The following PRSS57 variants were observed in gnomAD, a reference collection of about 807,000 sequenced individuals.
The protein encoded by PRSS57 is neutrophil serine protease 4.
In PRSS57, 19 loss-of-function variants were observed where a neutral mutation model predicts 20.6. That is an observed-to-expected ratio of 0.92 (90% confidence interval 0.64 to 1.35). The LOEUF is 1.35. PRSS57 is among the 40% of genes most tolerant of loss of function. The pLI is 0.00. For synonymous variants in PRSS57, 203 were observed against 176.6 expected, an observed-to-expected ratio of 1.15 and a Z score of -1.19; for missense variants, 440 against 403.7, an observed-to-expected ratio of 1.09 and a Z score of -0.77.
chr19:688,243 C>T (rs61622571), intron 3 of PRSS57, among the ~76,000 whole-genome samples: 27,773 of 152,086 alleles, frequency 0.18, 2,639 homozygotes, highest in Non-Finnish European at 0.2. Flanking sequence ...CCCATCTGTG[C>T]GATGGCCTCT....
At chr19:689,716 C>A (rs2031583823) in intron 3 of PRSS57, among the ~76,000 whole-genome samples, 2 of 151,974 alleles carry the variant, frequency 1.3e-5, no homozygotes, top group Admixed American at 6.6e-5. Flanking sequence ...TCCAGGAGGT[C>A]AAGACCAGCC....
Position 694,834 on chromosome 19 carries a change from G to A in PRSS57, c.213C>T (p.Ala71=), listed in dbSNP as rs1190586151. 9.3e-6 allele frequency: 15 copies of A among 1,607,256 alleles called. No homozygotes were observed. Among genetic ancestry groups the A allele is most frequent in the East Asian group, 2.3e-5 (1 of 44,398 alleles). Residue 71 remains alanine, a synonymous_variant, in exon 2 of 5, where the codon GCC becomes GCT. Coordinates refer to ENST00000329267, the MANE Select transcript of PRSS57 (RefSeq NM_001308209.2). The part of the protein sequence containing the change: ...FLLRARWVVS[A]AHCFSHRDLR... ...CTCACCTGTGGCTGAAGCAGTGGGCGGCCGAGACCACCCAGCGGGCTCGCA... is the reference window on the plus strand; with the variant it reads ...CTCACCTGTGGCTGAAGCAGTGGGCAGCCGAGACCACCCAGCGGGCTCGCA...
intron 3 of PRSS57, among the ~76,000 whole-genome samples, chr19:688,344 C>CTTTTTTTTTTTTTTTTTTTTT (rs370305351): frequency 1.4e-5 from 2 of 143,528 alleles, no homozygotes; most frequent in African/African-American, 2.6e-5. Flanking sequence ...GCTCCTCCTC[C>CTTTTTTTTTTTTTTTTTTTTT]TTTTTTTTTT....
chr19:694,315 C>T (rs1423356719), intron 2 of PRSS57, among the ~76,000 whole-genome samples: 1 of 147,766 alleles, frequency 6.8e-6, no homozygotes, highest in Non-Finnish European at 1.5e-5. Flanking sequence ...CACCTGCAAT[C>T]CCAGCACTTT....
intron 2 of PRSS57, among the ~76,000 whole-genome samples, chr19:693,963 A>C (rs1453062537): frequency 1.3e-5 from 2 of 151,966 alleles, no homozygotes; most frequent in East Asian, 3.9e-4. Flanking sequence ...GATGGTCTCG[A>C]TCTCCTGACC....
chr19:692,018 G>A lies in PRSS57; in HGVS notation c.234-16C>T. 1 of 1,309,356 alleles carries A rather than the reference G, an allele frequency of 7.6e-7. No individual in the cohort carries two copies. The highest frequency in any genetic ancestry group is 1.5e-5 in the African/African-American group (1 of 66,340). 81.1% of individuals were successfully genotyped at this position (1,309,356 alleles called of 1,614,324 possible). The stretch of plus-strand genomic sequence containing the variant: ...GCGGAGGTCTCTGCAGGGAGGAGGT[G>A]GTGGGTGAGACGGGGGTGAGGGCTG... On this transcript the variant is annotated splice_polypyrimidine_tract_variant and intron_variant, in intron 2 of 4. Transcript: ENST00000329267.
In PRSS57 at chr19:686,928, G is replaced by T; in HGVS notation, c.639C>A (p.Cys213Ter). The T allele has an allele frequency of 1.2e-6, 2 of 1,613,218 alleles. No homozygotes were observed. Among genetic ancestry groups the T allele is most frequent in the Non-Finnish European group, 1.7e-6 (2 of 1,179,450 alleles). ...TGGAGCAGGGAGGGGATCTTACCGA[G>T]CAGAAGCCCCGTCTGTGGCTGTCCC... Reference protein sequence around the residue: ...RSGDSHRRGFCSADSGGPLVC... With the variant: ...RSGDSHRRGF The change falls in exon 4 of 5, where the codon TGC (cysteine) becomes TGA (stop). Residue 213 changes from cysteine to a stop codon, truncating the protein, a stop_gained. Transcript: ENST00000329267. LOFTEE classifies it low-confidence loss of function (END_TRUNC).
chr19:692,730 TATG>T (rs1344318051), intron 2 of PRSS57, among the ~76,000 whole-genome samples: 3 of 151,698 alleles, frequency 2.0e-5, no homozygotes, highest in Non-Finnish European at 4.4e-5. Flanking sequence ...AACTTAATAT[TATG>T]ATAATAAATT....
intron 3 of PRSS57, chr19:691,301 C>G (rs1184453133): frequency 6.6e-6 from 1 of 152,412 alleles, no homozygotes; most frequent in Non-Finnish European, 1.5e-5. Context: ...GTCAGGAGTT[C>G]GAGACCAGCC....
In PRSS57 at chr19:687,138, T is replaced by A; in HGVS notation, c.429A>T (p.Pro143=). 1 of 1,604,826 alleles carries A rather than the reference T, an allele frequency of 6.2e-7. No individual in the cohort carries two copies. The part of the protein sequence containing the change: ...LGPAVGLLRP[P]GRRARPPTAG... The stretch of plus-strand genomic sequence containing the variant: ...CTGTGGGGGGCCTGGCCCTTCTCCC[T>A]GGCGGCCTCAGCAGCCCCACTGCAG... Residue 143 remains proline, a synonymous_variant, in exon 4 of 5, where the codon CCA becomes CCT. Coordinates refer to ENST00000329267, the MANE Select transcript of PRSS57 (RefSeq NM_001308209.2).
At chr19:686,047 A>G (rs2031466479) in intron 4 of PRSS57, 125 bp from the exon 5 acceptor site, 9 of 851,844 alleles carry the variant, frequency 1.1e-5, no homozygotes, top group Non-Finnish European at 1.6e-5. Context: ...AAGTAAATTC[A>G]TTTCTCCCCT....
chr19:689,428 G>A (rs1599116001), intron 3 of PRSS57, among the ~76,000 whole-genome samples: 1 of 152,072 alleles, frequency 6.6e-6, no homozygotes, highest in East Asian at 1.9e-4. Flanking sequence ...GGGTACAGCT[G>A]GTGCAGAGCT....
intron 3 of PRSS57, among the ~76,000 whole-genome samples, chr19:689,251 C>G (rs12974106): frequency 7.6e-6 from 1 of 130,894 alleles, no homozygotes; most frequent in Admixed American, 7.3e-5. Context: ...CAGGAGATGA[C>G]GGGGCCGGAA....
At chr19:689,116 G>T (rs1186116089) in intron 3 of PRSS57, among the ~76,000 whole-genome samples, 1 of 109,176 alleles carries the variant, frequency 9.2e-6, no homozygotes. Flanking sequence ...GGGCCGGAAG[G>T]GTGGTCCAGG....
intron 3 of PRSS57, among the ~76,000 whole-genome samples, chr19:691,558 G>A (rs968251055): frequency 2.7e-5 from 4 of 150,724 alleles, no homozygotes; most frequent in African/African-American, 9.8e-5. Context: ...GGTGGCTCAC[G>A]CTTGTAATCC....
rs112387903 is a variant in PRSS57 at position 687,289 on chromosome 19, A to G, written c.379-101T>C. On this transcript the variant is annotated intron_variant, in intron 3 of 4. Coordinates refer to ENST00000329267, the MANE Select transcript of PRSS57 (RefSeq NM_001308209.2). ...CCCTGGTCCTGCCCTTGTGAAGCAA[A>G]ATCAATGGCGGCCACCATGAGGCCG... The G allele has an allele frequency of 4.5e-6, 6 of 1,338,226 alleles. No individual in the cohort carries two copies. In the African/African-American group the frequency reaches 8.9e-5, roughly 20 times the overall value. The allele number at this position is 1,338,226 out of a possible 1,614,324, so 82.9% of individuals were successfully genotyped here.
intron 3 of PRSS57, chr19:690,931 G>A: frequency 2.1e-6 from 1 of 469,132 alleles, no homozygotes; most frequent in Admixed American, 2.7e-5. Flanking sequence ...CTGGGCGCCT[G>A]TGCTCAAGAA....
chr19:694,544 G>A (rs1466174926), intron 2 of PRSS57, among the ~76,000 whole-genome samples: 7 of 144,080 alleles, frequency 4.9e-5, no homozygotes, highest in Non-Finnish European at 1.0e-4. Flanking sequence ...CTCCAGCCTG[G>A]GGAACCGAGA....
chr19:694,170 C>T (rs551947601), intron 2 of PRSS57, among the ~76,000 whole-genome samples: 1 of 152,054 alleles, frequency 6.6e-6, no homozygotes, highest in African/African-American at 2.4e-5. Flanking sequence ...GCTGGGGACA[C>T]TGCAGCCCAG....
Sources: allele counts gnomAD v4.1 joint callset (sites outside exome capture counted in the v4.1 genomes callset), GRCh38; gene constraint gnomAD v4.1.1; transcripts MANE v1.5; gene names NCBI Gene and HGNC (gene_info 2026-07-23, HGNC 2026-07-21).